GPM6B: variants seen among roughly 807,000 people sequenced by gnomAD.
The protein encoded by GPM6B is neuronal membrane glycoprotein M6-b.
Under a neutral mutation model 27.2 loss-of-function variants are expected in GPM6B, and 4 were observed. The observed-to-expected ratio is 0.15, with a 90% CI of 0.07 to 0.34. The LOEUF is 0.34. Among genes scored for constraint, GPM6B ranks in the 10% least tolerant of loss-of-function variants. GPM6B has a pLI of 1.00. For missense variants in GPM6B, 183 were observed against 261.9 expected (o/e 0.70, Z 2.08); for synonymous variants, 124 against 103.1 (o/e 1.20, Z -1.23).
chrX:13,907,913 A>T (rs1247056856), intron 1 of GPM6B, among the ~76,000 whole-genome samples: 1 of 112,003 alleles, frequency 8.9e-6, no homozygotes, highest in Non-Finnish European at 1.9e-5. Context: ...CACAACTCTG[A>T]AAATAGGGAG....
chrX:13,809,138 T>G (rs759748868), intron 1 of GPM6B, among the ~76,000 whole-genome samples: 15 of 111,864 alleles, frequency 1.3e-4, no homozygotes, highest in Middle Eastern at 4.6e-3. Context: ...GGTACTATTA[T>G]TATTCCATTT....
intron 2 of GPM6B, among the ~76,000 whole-genome samples, chrX:13,790,865 A>T (rs1192424409): frequency 1.1e-5 from 1 of 93,561 alleles, no homozygotes; most frequent in Non-Finnish European, 2.0e-5. Flanking sequence ...AGATTTCTAA[A>T]CACACACACT....
chrX:13,846,577 GC>G (rs2147236062), intron 1 of GPM6B, among the ~76,000 whole-genome samples: 1 of 109,620 alleles, frequency 9.1e-6, no homozygotes, highest in South Asian at 3.9e-4. Flanking sequence ...TGCAAGCTCC[GC>G]CCTCTGGGTT....
intron 1 of GPM6B, among the ~76,000 whole-genome samples, chrX:13,831,177 TACAC>T (rs536337642): frequency 0.26 from 21,111 of 81,242 alleles, 2,547 homozygotes; most frequent in Middle Eastern, 0.35. Flanking sequence ...AAGAGCTCAG[TACAC>T]ACACACACAC....
upstream of GPM6B, among the ~76,000 whole-genome samples, chrX:13,820,838 A>T (rs56355248): frequency 9.8e-5 from 11 of 111,696 alleles, no homozygotes; most frequent in Non-Finnish European, 1.7e-4. Flanking sequence ...TTCTCAACAA[A>T]ATCTATTTTA....
At chrX:13,836,298 C>T (rs2049493538) in intron 1 of GPM6B, among the ~76,000 whole-genome samples, 1 of 111,215 alleles carries the variant, frequency 9.0e-6, no homozygotes, top group Non-Finnish European at 1.9e-5. Flanking sequence ...CTTACCATAC[C>T]AGTGAAAGAC....
chrX:13,795,775 G>GCT, intron 2 of GPM6B, among the ~76,000 whole-genome samples: 1 of 88,263 alleles, frequency 1.1e-5, no homozygotes, highest in South Asian at 5.7e-4. Flanking sequence ...ATGGAGTCTC[G>GCT]CTCCATCTTA....
At position 13,772,792 on chromosome X, in the gene GPM6B, T is replaced by A; in HGVS notation, c.*89A>T. ...GAAGTGTTTGTACATCTACATTAGT[T>A]TGGTGGGATACACATCTGTACTGCA... On this transcript the variant is annotated 3_prime_UTR_variant, in exon 8 of 8. Coordinates refer to ENST00000316715, the MANE Select transcript of GPM6B (RefSeq NM_001001995.3). 2 of 870,348 alleles carry A rather than the reference T, an allele frequency of 2.3e-6. No homozygotes were observed. The highest frequency in any genetic ancestry group is 3.3e-6 in the Non-Finnish European group (2 of 609,338). The allele number at this position is 870,348 out of a possible 1,213,427, so 71.7% of individuals were successfully genotyped here. A position where few individuals can be genotyped will look rare whatever the true frequency, so the allele number is the denominator to read the frequency against.
chrX:13,838,821 C>T (rs763986842), intron 1 of GPM6B, among the ~76,000 whole-genome samples: 28 of 110,759 alleles, frequency 2.5e-4, no homozygotes, highest in Admixed American at 4.8e-4. Flanking sequence ...AGACATTGTC[C>T]CTCTCCCTCA....
At position 13,817,005 on chromosome X, in the gene GPM6B, C is replaced by T. The variant is rs1297961067; in HGVS notation, c.-101G>A. The T allele has an allele frequency of 7.0e-6, 8 of 1,136,834 alleles. No homozygotes were observed. The highest frequency in any genetic ancestry group is 9.3e-6 in the Non-Finnish European group (8 of 862,438). 93.7% of individuals were successfully genotyped at this position (1,136,834 alleles called of 1,213,427 possible). On this transcript the variant is annotated 5_prime_UTR_variant, in exon 1 of 8. It adds an upstream start codon to the 5' untranslated region. Transcript: ENST00000316715. ...GACTCCCCTCCGTCTCTTATTTACA[C>T]CCGTCTGATTGAGAGGCTCTGTTCT...
chrX:13,837,570 TCTC>T (rs2147224001), intron 1 of GPM6B, among the ~76,000 whole-genome samples: 1 of 111,014 alleles, frequency 9.0e-6, no homozygotes, highest in African/African-American at 3.3e-5. Flanking sequence ...AATGCCACCT[TCTC>T]CTCTCTTTAT....
At chrX:13,851,550 A>G (rs2049718420) in intron 1 of GPM6B, among the ~76,000 whole-genome samples, 1 of 110,707 alleles carries the variant, frequency 9.0e-6, no homozygotes, top group Non-Finnish European at 1.9e-5. Flanking sequence ...GAACCATATG[A>G]TAATGGTTTA....
chrX:13,836,957 G>A (rs1488997696), intron 1 of GPM6B, among the ~76,000 whole-genome samples: 3 of 112,598 alleles, frequency 2.7e-5, no homozygotes, highest in African/African-American at 9.7e-5. Flanking sequence ...CTCAGAGCAA[G>A]AAGGAAAACA....
intron 5 of GPM6B, among the ~76,000 whole-genome samples, chrX:13,778,405 C>CA (rs1325332676): frequency 8.9e-6 from 1 of 112,350 alleles, no homozygotes; most frequent in Non-Finnish European, 1.9e-5. Flanking sequence ...GTGGGACAAG[C>CA]AGAGTCTATG....
chrX:13,906,250 G>A (rs1346319560), intron 1 of GPM6B, among the ~76,000 whole-genome samples: 1 of 112,174 alleles, frequency 8.9e-6, no homozygotes, highest in Non-Finnish European at 1.9e-5. Context: ...CAGTTACAAA[G>A]TTGGGGGCTA....
intron 1 of GPM6B, among the ~76,000 whole-genome samples, chrX:13,923,570 G>A (rs934936923): frequency 8.9e-6 from 1 of 112,329 alleles, no homozygotes; most frequent in Admixed American, 9.4e-5. Context: ...TGTAAAATCT[G>A]CCAGGAGAAG....
At chrX:13,808,142 G>T (rs2049058166) in intron 1 of GPM6B, among the ~76,000 whole-genome samples, 2 of 112,300 alleles carry the variant, frequency 1.8e-5, no homozygotes, top group Admixed American at 1.9e-4. Flanking sequence ...ATTATTGCCA[G>T]CTGCACTAGC....
At chrX:13,813,484 A>AT (rs2147192310) in intron 1 of GPM6B, among the ~76,000 whole-genome samples, 1 of 111,956 alleles carries the variant, frequency 8.9e-6, no homozygotes, top group South Asian at 3.7e-4. Context: ...TTCAGCAACG[A>AT]TTCATAGGAA....
At chrX:13,795,846 G>A (rs12862061) in intron 2 of GPM6B, among the ~76,000 whole-genome samples, 6 of 107,436 alleles carry the variant, frequency 5.6e-5, no homozygotes, top group South Asian at 4.1e-4. Flanking sequence ...TCTGCCTCCC[G>A]GGTTCAAGTG....
Sources: allele counts gnomAD v4.1 joint callset (sites outside exome capture counted in the v4.1 genomes callset), GRCh38; gene constraint gnomAD v4.1.1; transcripts MANE v1.5; gene names NCBI Gene and HGNC (gene_info 2026-07-23, HGNC 2026-07-21).